The following NRXN3 variants were observed in gnomAD, a reference collection of about 807,000 sequenced individuals.
NRXN3 encodes neurexin III.
Under a neutral mutation model 137.6 loss-of-function variants are expected in NRXN3, and 32 were observed. The ratio of observed to expected loss-of-function variants is 0.23; its 90% CI spans 0.18 to 0.31. NRXN3 has a LOEUF of 0.31. Ranked by LOEUF, NRXN3 falls within the 10% of genes least tolerant of loss-of-function variation. The pLI is 1.00. For synonymous variants in NRXN3, 798 were observed against 784.5 expected, an observed-to-expected ratio of 1.02 and a Z score of -0.29; for missense variants, 1,574 against 2,062.5, an observed-to-expected ratio of 0.76 and a Z score of 4.59.
intron 10 of NRXN3, among the ~76,000 whole-genome samples, chr14:78,934,161 C>CAAA (rs556509445): frequency 8.2e-5 from 7 of 85,684 alleles, no homozygotes; most frequent in African/African-American, 1.9e-4. Flanking sequence ...AAACGACAAC[C>CAAA]AAAAAAAAAA....
At chr14:79,723,671 G>C (rs1285455749) in intron 19 of NRXN3, among the ~76,000 whole-genome samples, 4 of 152,088 alleles carry the variant, frequency 2.6e-5, no homozygotes, top group Non-Finnish European at 4.4e-5. Flanking sequence ...ACACCCCAGG[G>C]TCTTCTGTGT....
intron 16 of NRXN3, among the ~76,000 whole-genome samples, chr14:79,639,108 A>C (rs2098419985): frequency 6.6e-6 from 1 of 152,134 alleles, no homozygotes; most frequent in Admixed American, 6.5e-5. Context: ...CCACACCTAG[A>C]GATATGTGTG....
intron 15 of NRXN3, among the ~76,000 whole-genome samples, chr14:79,112,578 CTG>C (rs2053722771): frequency 6.6e-6 from 1 of 152,208 alleles, no homozygotes; most frequent in Admixed American, 6.5e-5. Flanking sequence ...ATTCAACAGA[CTG>C]TGTGTACATA....
intron 4 of NRXN3, among the ~76,000 whole-genome samples, chr14:78,608,670 A>G (rs1291469293): frequency 1.3e-5 from 2 of 152,162 alleles, no homozygotes; most frequent in South Asian, 2.1e-4. Flanking sequence ...GAGATGGGTA[A>G]TCTACTCAAT....
At chr14:79,201,600 A>G (rs1343947416) in intron 15 of NRXN3, 1 of 152,142 alleles carries the variant, frequency 6.6e-6, no homozygotes, top group Non-Finnish European at 1.5e-5. Context: ...ATCATTTTTT[A>G]TGACAGTCTT....
intron 14 of NRXN3, among the ~76,000 whole-genome samples, chr14:78,983,863 AAAAAAAAAAG>A (rs1361079624): frequency 5.4e-4 from 81 of 150,756 alleles, no homozygotes; most frequent in Non-Finnish European, 6.3e-4. Context: ...TTAAAAAAAA[AAAAAAAAAAG>A]AAAAAAAAAG....
intron 4 of NRXN3, among the ~76,000 whole-genome samples, chr14:78,554,724 A>T (rs534107630): frequency 1.3e-5 from 2 of 152,318 alleles, no homozygotes; most frequent in South Asian, 4.1e-4. Context: ...GTTACCAGGA[A>T]CTTAAAAGAG....
chr14:79,358,613 GAAAGAAAGAAAGAAAGAAAGAA>G (rs2093548143), intron 15 of NRXN3, among the ~76,000 whole-genome samples: 7 of 129,064 alleles, frequency 5.4e-5, no homozygotes, highest in South Asian at 2.6e-4. Context: ...GAAAGAGAAA[GAAAGAAAGAAAGAAAGAAAGAA>G]AGAAAGAAAG....
At chr14:79,479,412 G>A (rs2096587367) in intron 16 of NRXN3, among the ~76,000 whole-genome samples, 2 of 151,940 alleles carry the variant, frequency 1.3e-5, no homozygotes, top group Non-Finnish European at 2.9e-5. Flanking sequence ...GTAACCATTT[G>A]TTAAAGGTGT....
chr14:79,790,615 CTTTTTTTTT>C (rs34493154), intron 19 of NRXN3, among the ~76,000 whole-genome samples: 1 of 73,110 alleles, frequency 1.4e-5, no homozygotes, highest in Non-Finnish European at 2.5e-5. Flanking sequence ...GGCCCAGGCT[CTTTTTTTTT>C]TTTTTTTTTT....
chr14:79,357,775 A>G (rs2093478033), intron 15 of NRXN3, among the ~76,000 whole-genome samples: 1 of 152,174 alleles, frequency 6.6e-6, no homozygotes, highest in Non-Finnish European at 1.5e-5. Flanking sequence ...TTTCACCCCA[A>G]TATGTCACTA....
intron 16 of NRXN3, among the ~76,000 whole-genome samples, chr14:79,558,569 T>C (rs2097455499): frequency 6.6e-6 from 1 of 151,946 alleles, no homozygotes. Context: ...CTTTTTTTTT[T>C]TTTTTCTGAG....
Position 79,861,473 on chromosome 14 carries a change from C to G in NRXN3, c.4225C>G (p.Leu1409Val). 1.3e-6 allele frequency: 2 copies of G among 1,537,342 alleles called. No individual in the cohort carries two copies. The highest frequency in any genetic ancestry group is 1.7e-6 in the Non-Finnish European group (2 of 1,147,072). Reference sequence around the variant, plus strand: ...TACTACCACATCTTTATCCCCTGAGCTGATCCGCTTCACAGCTTCCTCCTC... The same window carrying G: ...TACTACCACATCTTTATCCCCTGAGGTGATCCGCTTCACAGCTTCCTCCTC... ...RTTTTSLSPE[L>V]IRFTASSSSG... Residue 1409 changes from leucine (L) to valine (V), a missense_variant, in exon 21 of 21, where the codon CTG (leucine) becomes GTG (valine). Physicochemically the swap from Leu to Val is conservative, Grantham distance 32 (BLOSUM62 1). This residue lies in a region of NRXN3 where 320 missense variants were observed against 387.1 expected (regional missense o/e 0.83). Transcript: ENST00000335750. This position sits in a 1 kb window ranked among gnomAD's most constrained non-coding sequence, Gnocchi z 5.4.
intron 8 of NRXN3, among the ~76,000 whole-genome samples, chr14:78,717,799 G>A (rs918293939): frequency 6.6e-6 from 1 of 152,154 alleles, no homozygotes; most frequent in African/African-American, 2.4e-5. Flanking sequence ...TTGTGAACAA[G>A]GGGTGTATAG....
At chr14:78,716,029 A>G (rs1342479552) in intron 8 of NRXN3, among the ~76,000 whole-genome samples, 1 of 152,144 alleles carries the variant, frequency 6.6e-6, no homozygotes, top group Non-Finnish European at 1.5e-5. Context: ...AAAAATGTCC[A>G]GAATAGAATT....
At chr14:79,519,707 C>T (rs1001349891) in intron 16 of NRXN3, among the ~76,000 whole-genome samples, 4 of 150,670 alleles carry the variant, frequency 2.7e-5, no homozygotes, top group South Asian at 2.1e-4. Context: ...ATTCTGTTTC[C>T]GATCTTGTTG....
intron 4 of NRXN3, among the ~76,000 whole-genome samples, chr14:78,477,543 T>C (rs770016214): frequency 2.0e-5 from 3 of 152,230 alleles, no homozygotes; most frequent in Non-Finnish European, 4.4e-5. Context: ...CAATATTGTT[T>C]TAGAATGAAA....
chr14:78,378,254 G>A (rs2088281788), intron 4 of NRXN3, among the ~76,000 whole-genome samples: 1 of 152,200 alleles, frequency 6.6e-6, no homozygotes, highest in South Asian at 2.1e-4. Flanking sequence ...GGAGGCCGAG[G>A]TGGATGGATC....
chr14:78,693,679 G>C (rs1269816825), intron 6 of NRXN3, among the ~76,000 whole-genome samples: 1 of 147,624 alleles, frequency 6.8e-6, no homozygotes, highest in Non-Finnish European at 1.5e-5. Context: ...GTGTGTGTGT[G>C]TGTGTGTGTG....
Sources: allele counts gnomAD v4.1 joint callset (sites outside exome capture counted in the v4.1 genomes callset), GRCh38; gene constraint gnomAD v4.1.1; regional missense constraint gnomAD v4.1.1; non-coding constraint Gnocchi (gnomAD v3.1); transcripts MANE v1.5; gene names NCBI Gene and HGNC (gene_info 2026-07-23, HGNC 2026-07-21).